Variants in CYP4Z1 observed in about 807,000 individuals in gnomAD.
CYP4Z1 encodes the protein cytochrome P450 family 4 subfamily Z member 1, also known as cytochrome P450 4Z1.
CYP4Z1 carries 41 observed loss-of-function variants against 54.2 expected under a neutral mutation model. That is an observed-to-expected ratio of 0.76 (90% CI 0.59 to 0.98). The LOEUF (loss-of-function observed/expected upper bound fraction) is 0.98. Among genes scored for constraint, CYP4Z1 ranks in the 50% least tolerant of loss-of-function variants. CYP4Z1 has a pLI of 0.00. For synonymous variants in CYP4Z1, 163 were observed against 206.2 expected (o/e 0.79, Z 1.79); for missense variants, 513 against 599.0 (o/e 0.86, Z 1.50).
At chr1:47,057,336 ATATATATATATATATATATAT>A in the CYP4Z1 span, among the ~76,000 whole-genome samples, 21 of 56,610 alleles carry the variant, frequency 3.7e-4, 2 homozygotes, top group African/African-American at 1.2e-3. Flanking sequence ...AGAAAAAAAA[ATATATATATATATATATATAT>A]ATATATATAT....
chr1:47,084,586 T>A (rs1028829317), intron 4 of CYP4Z1, 34 bp from the exon 5 acceptor site: 13 of 1,535,554 alleles, frequency 8.5e-6, no homozygotes, highest in Middle Eastern at 3.4e-4. Context: ...AAGATGGGCA[T>A]GTGTATGATC....
rs375117322 is a variant in CYP4Z1 at position 47,068,754 on chromosome 1, A to G, written c.310A>G (p.Lys104Glu). 5 of 1,614,018 alleles carry G rather than the reference A, an allele frequency of 3.1e-6. No individual in the cohort carries two copies. Among genetic ancestry groups the G allele is most frequent in the Non-Finnish European group, 4.2e-6 (5 of 1,179,944 alleles). Reference protein sequence around the residue: ...HDPDYAKILLKRQDPKSAVSH... With the variant: ...HDPDYAKILLERQDPKSAVSH... ...CCCAGACTATGCCAAGATTCTCCTG[A>G]AAAGACAAGGTAAAAACCAAGAGGG... Residue 104 changes from lysine (K) to glutamate (E), a missense_variant, in exon 2 of 12, where the codon AAA becomes GAA. Lys to Glu is a moderately conservative substitution (Grantham distance 56). Transcript: ENST00000334194.
At chr1:47,115,685 C>A in intron 10 of CYP4Z1, 92 bp downstream of exon 10, 3 of 1,209,824 alleles carry the variant, frequency 2.5e-6, no homozygotes, top group Admixed American at 2.1e-5. Context: ...GTTAGGATAA[C>A]GATCTGTCAT....
At position 47,084,616 on chromosome 1, in the gene CYP4Z1, C is replaced by T. The variant is rs527785599; in HGVS notation, c.493-4C>T. The T allele has an allele frequency of 2.3e-4, 357 of 1,576,920 alleles. 5 individuals are homozygous for T. The East Asian group carries it at 8.2e-3, about 36-fold the overall frequency. On this transcript the variant is annotated splice_polypyrimidine_tract_variant and splice_region_variant and intron_variant, in intron 4 of 11. Transcript: ENST00000334194. ...ATGATCATGATATTCATCCCCTGCC[C>T]CAGAACAAATGGGAGGAACACATTG...
At chr1:47,079,669 A>G (rs1644549707) in intron 2 of CYP4Z1, among the ~76,000 whole-genome samples, 1 of 152,278 alleles carries the variant, frequency 6.6e-6, no homozygotes, top group South Asian at 2.1e-4. Flanking sequence ...AAGTGGAATT[A>G]GTTAAGAAGG....
At chr1:47,061,663 T>C in the CYP4Z1 span, among the ~76,000 whole-genome samples, 1,432 of 152,324 alleles carry the variant, frequency 9.4e-3, 11 homozygotes, top group African/African-American at 0.032. Flanking sequence ...AAGGAGGGAC[T>C]CTGCTCTAGC....
chr1:47,064,937 A>C (rs1557618365), upstream of CYP4Z1, among the ~76,000 whole-genome samples: 1 of 152,334 alleles, frequency 6.6e-6, no homozygotes, highest in Non-Finnish European at 1.5e-5. Context: ...ACAGCAGTTT[A>C]AAAAGACAAA....
chr1:47,057,032 T>A, the CYP4Z1 span, among the ~76,000 whole-genome samples: 1 of 152,118 alleles, frequency 6.6e-6, no homozygotes, highest in African/African-American at 2.4e-5. Flanking sequence ...CTTTACAATT[T>A]GGCATGTTTT....
intron 2 of CYP4Z1, among the ~76,000 whole-genome samples, chr1:47,073,950 G>T (rs983255385): frequency 6.6e-6 from 1 of 151,782 alleles, no homozygotes; most frequent in Non-Finnish European, 1.5e-5. Flanking sequence ...TCATTTTTAT[G>T]AAATCTAACT....
At chr1:47,099,387 T>C in intron 8 of CYP4Z1, 103 bp downstream of exon 8, 3 of 1,163,576 alleles carry the variant, frequency 2.6e-6, no homozygotes, top group South Asian at 1.7e-5. Flanking sequence ...ATAGTCTGTA[T>C]GCATTTGGAA....
chr1:47,067,601 A>G lies in CYP4Z1; in HGVS notation c.111A>G (p.Arg37=). 6.2e-7 allele frequency: 1 copy of G among 1,613,494 alleles called. No individual in the cohort carries two copies. Among genetic ancestry groups the G allele is most frequent in the Non-Finnish European group, 8.5e-7 (1 of 1,179,696 alleles). Residue 37 remains arginine (R), a synonymous_variant, in exon 1 of 12, where the codon AGA becomes AGG. Transcript: ENST00000334194. ...FQVIRLYQRR[R]WMIRALHLFP... is the part of the protein sequence containing the mutation. ...TAATCAGGTTGTACCAGAGGAGGAG[A>G]TGGATGATCAGAGCCCTGCACCTGT...
At chr1:47,056,107 C>G in the CYP4Z1 span, among the ~76,000 whole-genome samples, 217 of 152,254 alleles carry the variant, frequency 1.4e-3, no homozygotes, top group Non-Finnish European at 2.7e-3. Flanking sequence ...CCCATACATT[C>G]TGGTATGTTG....
At chr1:47,107,872 C>G (rs1443002539) in intron 9 of CYP4Z1, among the ~76,000 whole-genome samples, 2 of 152,138 alleles carry the variant, frequency 1.3e-5, no homozygotes, top group African/African-American at 4.8e-5. Flanking sequence ...GTGGCTTTTG[C>G]AGCTGCTGCG....
intron 9 of CYP4Z1, among the ~76,000 whole-genome samples, chr1:47,107,582 C>G (rs1267820389): frequency 2.0e-5 from 3 of 152,104 alleles, no homozygotes; most frequent in African/African-American, 7.2e-5. Flanking sequence ...CTTTTACTAC[C>G]TTTTCCCTTA....
intron 6 of CYP4Z1, among the ~76,000 whole-genome samples, chr1:47,091,586 C>A (rs889032871): frequency 1.0e-4 from 15 of 149,524 alleles, no homozygotes; most frequent in African/African-American, 3.7e-4. Flanking sequence ...CAATTAAGTG[C>A]TTGTGCCTGG....
At position 47,103,310 on chromosome 1, in the gene CYP4Z1, G is replaced by T. The variant is rs190485949; in HGVS notation, c.1068-2818G>T. On this transcript the variant is annotated intron_variant, in intron 8 of 11. Transcript: ENST00000334194. ...TCTTCCTGTTTCAGCCTTCCAAGTA[G>T]CTGGGATTACAGGCATGTGCCACCA... 5.8e-3 allele frequency among the ~76,000 whole-genome samples: 881 copies of T among 151,552 alleles called. 6 individuals carry two copies. Among genetic ancestry groups the T allele is most frequent in the Middle Eastern group, 0.014 (4 of 292 alleles).
At chr1:47,057,090 C>T in the CYP4Z1 span, among the ~76,000 whole-genome samples, 66 of 151,836 alleles carry the variant, frequency 4.3e-4, no homozygotes, top group African/African-American at 1.5e-3. Flanking sequence ...GTGCTTCCTT[C>T]AGGAGCTCTT....
intron 1 of CYP4Z1, 54 bp from the exon 2 acceptor site, chr1:47,068,568 G>A (rs1279921068): frequency 3.1e-6 from 5 of 1,597,142 alleles, no homozygotes; most frequent in Non-Finnish European, 4.3e-6. Context: ...GAGGGAAAGG[G>A]GTCCTCCTGG....
chr1:47,094,445 AC>A (rs1376766102), intron 6 of CYP4Z1, 120 bp from the exon 7 acceptor site: 1 of 644,480 alleles, frequency 1.6e-6, no homozygotes, highest in Non-Finnish European at 2.6e-6. Context: ...CAACTCAGGA[AC>A]ATTGGGTGGG....
Sources: allele counts gnomAD v4.1 joint callset (sites outside exome capture counted in the v4.1 genomes callset), GRCh38; gene constraint gnomAD v4.1.1; transcripts MANE v1.5; gene names NCBI Gene and HGNC (gene_info 2026-07-23, HGNC 2026-07-21).